PDE7B: variants seen among roughly 807,000 people sequenced by gnomAD.
PDE7B encodes phosphodiesterase 7B.
Under a neutral mutation model 56.2 loss-of-function variants are expected in PDE7B, and 29 were observed. The observed-to-expected ratio is 0.52, with a 90% confidence interval of 0.38 to 0.70. The LOEUF (loss-of-function observed/expected upper bound fraction) is 0.70. Ranked by LOEUF, PDE7B falls within the 30% of genes least tolerant of loss-of-function variation. PDE7B has a pLI of 0.00. For synonymous variants in PDE7B, 197 were observed against 196.9 expected (o/e 1.00, Z 0.00); for missense variants, 490 against 565.0 (o/e 0.87, Z 1.35).
intron 2 of PDE7B, among the ~76,000 whole-genome samples, chr6:135,948,479 G>A (rs949277529): frequency 3.9e-5 from 6 of 151,936 alleles, no homozygotes; most frequent in Non-Finnish European, 8.8e-5. Flanking sequence ...AAAGCAGACA[G>A]CAAGTTAAAT....
chr6:135,954,878 A>G (rs1036901970), intron 2 of PDE7B, among the ~76,000 whole-genome samples: 5 of 152,204 alleles, frequency 3.3e-5, no homozygotes, highest in African/African-American at 1.2e-4. Flanking sequence ...GCATTTCCAC[A>G]GCAACAGAAC....
intron 2 of PDE7B, among the ~76,000 whole-genome samples, chr6:135,981,544 A>G (rs1775296307): frequency 6.6e-6 from 1 of 151,104 alleles, no homozygotes; most frequent in African/African-American, 2.4e-5. Flanking sequence ...ATTTCAAAAA[A>G]AAAAAACCGA....
In PDE7B at chr6:136,126,963, T is replaced by A. The variant is rs951518617; in HGVS notation, c.166+18149T>A. Among the ~76,000 whole-genome samples the A allele has an allele frequency of 6.0e-4, 91 of 152,274 alleles. 1 individual carries two copies. Among genetic ancestry groups the A allele is most frequent in the Admixed American group, 1.4e-3 (21 of 15,288 alleles). ...TAACCTATGGAAATAAAAATTTTTTTAAAAATTATACAAAAGAATACTTTG... is the reference window on the plus strand; with the variant it reads ...TAACCTATGGAAATAAAAATTTTTTAAAAAATTATACAAAAGAATACTTTG... On this transcript the variant is annotated intron_variant, in intron 3 of 12. Coordinates refer to ENST00000308191, the MANE Select transcript of PDE7B (RefSeq NM_018945.4).
intron 2 of PDE7B, chr6:136,037,815 C>T: frequency 1.3e-5 from 13 of 985,340 alleles, no homozygotes; most frequent in Non-Finnish European, 1.6e-5. Flanking sequence ...CTTTGACAAG[C>T]ACCAAAAGAG....
intron 2 of PDE7B, among the ~76,000 whole-genome samples, chr6:135,990,974 T>G (rs1318606347): frequency 1.3e-5 from 2 of 152,196 alleles, no homozygotes; most frequent in East Asian, 3.8e-4. Flanking sequence ...ATGAGTTTTC[T>G]GGGAAAGGGG....
chr6:136,026,198 A>C (rs1776147578), intron 2 of PDE7B, among the ~76,000 whole-genome samples: 1 of 152,214 alleles, frequency 6.6e-6, no homozygotes, highest in South Asian at 2.1e-4. Flanking sequence ...TTAGCATCTG[A>C]TTTGAAGAAA....
chr6:136,165,896 T>G (rs140503103), intron 8 of PDE7B, among the ~76,000 whole-genome samples: 2 of 152,080 alleles, frequency 1.3e-5, no homozygotes, highest in Non-Finnish European at 2.9e-5. Context: ...GTTCTGTGAG[T>G]AAGGAAGAAA....
chr6:136,052,626 C>CG (rs397819027), intron 2 of PDE7B, among the ~76,000 whole-genome samples: 5 of 150,452 alleles, frequency 3.3e-5, no homozygotes, highest in African/African-American at 1.2e-4. Flanking sequence ...AGCCCCCCCC[C>CG]ACCCACAGCA....
At chr6:136,178,682 T>A (rs1779017876) in intron 9 of PDE7B, among the ~76,000 whole-genome samples, 1 of 152,238 alleles carries the variant, frequency 6.6e-6, no homozygotes, top group African/African-American at 2.4e-5. Flanking sequence ...TCTACAAGTC[T>A]TTTGTGTCCT....
chr6:135,855,489 G>T (rs954313792), intron 1 of PDE7B, among the ~76,000 whole-genome samples: 1 of 152,022 alleles, frequency 6.6e-6, no homozygotes, highest in Non-Finnish European at 1.5e-5. Context: ...AAAATAAATT[G>T]TATTTCTATT....
intron 3 of PDE7B, among the ~76,000 whole-genome samples, chr6:136,125,394 T>C (rs1329342109): frequency 6.6e-6 from 1 of 151,792 alleles, no homozygotes; most frequent in Admixed American, 6.6e-5. Flanking sequence ...GGAAAAGACA[T>C]CTCTTAAAAA....
intron 1 of PDE7B, among the ~76,000 whole-genome samples, chr6:135,856,505 T>G (rs1378416482): frequency 6.6e-6 from 1 of 152,222 alleles, no homozygotes; most frequent in Non-Finnish European, 1.5e-5. Context: ...AAGAAAGTTT[T>G]GGTGAATTGA....
At chr6:136,102,753 A>G (rs1777584183) in intron 2 of PDE7B, among the ~76,000 whole-genome samples, 1 of 152,196 alleles carries the variant, frequency 6.6e-6, no homozygotes, top group Admixed American at 6.5e-5. Flanking sequence ...AAGCTCAAAA[A>G]TGAGGATAGC....
chr6:136,157,875 G>A (rs1347649908), intron 8 of PDE7B, among the ~76,000 whole-genome samples: 1 of 152,168 alleles, frequency 6.6e-6, no homozygotes, highest in Non-Finnish European at 1.5e-5. Flanking sequence ...TGGAATGTCC[G>A]GTGGCCTTTA....
At chr6:136,055,918 A>G (rs1776720048) in intron 2 of PDE7B, among the ~76,000 whole-genome samples, 1 of 152,248 alleles carries the variant, frequency 6.6e-6, no homozygotes, top group Non-Finnish European at 1.5e-5. Flanking sequence ...AAGACACTGG[A>G]CAATGATCCT....
At chr6:136,050,035 C>T (rs372864536) in intron 2 of PDE7B, among the ~76,000 whole-genome samples, 60 of 152,212 alleles carry the variant, frequency 3.9e-4, no homozygotes, top group African/African-American at 1.3e-3. Context: ...AGGGCCAACT[C>T]GAGGTCCCTT....
intron 2 of PDE7B, among the ~76,000 whole-genome samples, chr6:135,960,187 C>T (rs1235332419): frequency 6.6e-6 from 1 of 152,094 alleles, no homozygotes; most frequent in African/African-American, 2.4e-5. Flanking sequence ...AGAATTTTGA[C>T]GGACAGGTCT....
chr6:136,115,443 C>T (rs1777814985), intron 3 of PDE7B, among the ~76,000 whole-genome samples: 3 of 152,074 alleles, frequency 2.0e-5, no homozygotes, highest in Admixed American at 1.3e-4. Context: ...ACATTGTCAA[C>T]AAGTTTGCTC....
chr6:136,125,421 A>G (rs1186375472), intron 3 of PDE7B, among the ~76,000 whole-genome samples: 1 of 152,024 alleles, frequency 6.6e-6, no homozygotes, highest in African/African-American at 2.4e-5. Context: ...AAAATTAGTC[A>G]GGCATGGTGG....
Sources: gnomAD v4.1 joint callset for allele counts (sites outside exome capture counted in the v4.1 genomes callset) on GRCh38, gnomAD v4.1.1 for gene constraint, MANE v1.5 for transcripts, NCBI Gene and HGNC (gene_info 2026-07-23, HGNC 2026-07-21) for gene names.